Variants in PPP1R12B observed in about 807,000 individuals in gnomAD.
PPP1R12B encodes the protein myosin phosphatase target subunit 2.
PPP1R12B carries 76 observed loss-of-function variants against 126.1 expected under a neutral mutation model. That is an observed-to-expected ratio of 0.60 (90% CI 0.50 to 0.73). The LOEUF is 0.73. PPP1R12B is among the 30% of genes least tolerant of loss of function. The pLI, the probability that PPP1R12B is intolerant of heterozygous loss-of-function variation, is 0.00. For missense variants in PPP1R12B, 1,052 were observed against 1,205.1 expected, an observed-to-expected ratio of 0.87 and a Z score of 1.88; for synonymous variants, 356 against 434.7, an observed-to-expected ratio of 0.82 and a Z score of 2.25.
At chr1:202,576,876 G>T (rs954173600) in intron 23 of PPP1R12B, 1 of 150,702 alleles carries the variant, frequency 6.6e-6, no homozygotes, top group Non-Finnish European at 1.5e-5. Context: ...AGGTCACTCC[G>T]AGAGTAAGTG....
chr1:202,441,610 G>A (rs1255219929), intron 11 of PPP1R12B, among the ~76,000 whole-genome samples: 1 of 152,140 alleles, frequency 6.6e-6, no homozygotes, highest in Non-Finnish European at 1.5e-5. Context: ...TGTGAAGCAT[G>A]GAAACCCATA....
intron 21 of PPP1R12B, among the ~76,000 whole-genome samples, chr1:202,567,212 A>T (rs1414309852): frequency 4.6e-5 from 7 of 152,122 alleles, no homozygotes; most frequent in Admixed American, 4.6e-4. Context: ...CCATGAATGG[A>T]CTCCTAAGAA....
intron 18 of PPP1R12B, chr1:202,540,052 A>G (rs1045389344): frequency 2.8e-6 from 4 of 1,437,680 alleles, no homozygotes; most frequent in East Asian, 5.4e-5. Context: ...TCAAAAGGAG[A>G]GATTCTGTGA....
intron 11 of PPP1R12B, among the ~76,000 whole-genome samples, chr1:202,441,420 C>G (rs957204611): frequency 2.0e-5 from 3 of 152,118 alleles, no homozygotes; most frequent in Admixed American, 1.3e-4. Flanking sequence ...ACTTGCCCTC[C>G]CAAAGTGCTG....
At chr1:202,529,546 A>G (rs1185649879) in intron 18 of PPP1R12B, among the ~76,000 whole-genome samples, 2 of 152,214 alleles carry the variant, frequency 1.3e-5, no homozygotes, top group African/African-American at 4.8e-5. Context: ...TGGACCATTC[A>G]GCCTCATTTA....
At chr1:202,571,274 C>T (rs1688570417) in intron 23 of PPP1R12B, among the ~76,000 whole-genome samples, 2 of 152,322 alleles carry the variant, frequency 1.3e-5, no homozygotes, top group South Asian at 4.1e-4. Flanking sequence ...TAAACTAGAT[C>T]ATGAGTTCTT....
intron 3 of PPP1R12B, among the ~76,000 whole-genome samples, chr1:202,424,469 G>A (rs1484231361): frequency 3.3e-5 from 5 of 151,738 alleles, no homozygotes; most frequent in Non-Finnish European, 5.9e-5. Flanking sequence ...GATTACAGGC[G>A]CCCACCACTA....
intron 13 of PPP1R12B, among the ~76,000 whole-genome samples, chr1:202,482,861 A>G (rs1305891737): frequency 6.6e-6 from 1 of 152,212 alleles, no homozygotes; most frequent in Non-Finnish European, 1.5e-5. Flanking sequence ...TCTTCTAGGT[A>G]GTTCCATAGT....
At chr1:202,482,847 G>T (rs1289451263) in intron 13 of PPP1R12B, among the ~76,000 whole-genome samples, 1 of 152,150 alleles carries the variant, frequency 6.6e-6, no homozygotes, top group Non-Finnish European at 1.5e-5. Flanking sequence ...TTTCTCCTAT[G>T]TTATCTTCTA....
intron 1 of PPP1R12B, among the ~76,000 whole-genome samples, chr1:202,375,737 T>C (rs1346401691): frequency 6.6e-6 from 1 of 152,204 alleles, no homozygotes; most frequent in Non-Finnish European, 1.5e-5. Context: ...CTTTATTTTG[T>C]AGAGACAAGG....
intron 1 of PPP1R12B, among the ~76,000 whole-genome samples, chr1:202,360,976 C>T (rs1004289618): frequency 6.6e-6 from 1 of 151,218 alleles, no homozygotes; most frequent in African/African-American, 2.4e-5. Flanking sequence ...CTGCAAGCTC[C>T]ACCTTCTGGG....
chr1:202,401,361 ATTTTTTTTTTT>A (rs34810265), intron 1 of PPP1R12B, among the ~76,000 whole-genome samples: 79 of 71,446 alleles, frequency 1.1e-3, no homozygotes, highest in African/African-American at 2.2e-3. Flanking sequence ...GGCTAATTTA[ATTTTTTTTTTT>A]TTTTTTTTTT....
intron 15 of PPP1R12B, 76 bp downstream of exon 15, chr1:202,493,393 G>A (rs1679148818): frequency 7.0e-7 from 1 of 1,436,440 alleles, no homozygotes; most frequent in Non-Finnish European, 9.5e-7. Flanking sequence ...TTCACTGGTA[G>A]TTCAAAGGCT....
intron 18 of PPP1R12B, chr1:202,501,882 T>G: frequency 1.0e-6 from 1 of 985,202 alleles, no homozygotes; most frequent in Non-Finnish European, 1.2e-6. Context: ...CGAATTGACT[T>G]GCTAGTAGCA....
intron 18 of PPP1R12B, among the ~76,000 whole-genome samples, chr1:202,534,705 C>T (rs1395940412): frequency 6.6e-6 from 1 of 151,972 alleles, no homozygotes; most frequent in African/African-American, 2.4e-5. Context: ...CAGGCTACTA[C>T]CTCACCACTG....
chr1:202,490,415 C>T (rs1678705756), intron 14 of PPP1R12B, among the ~76,000 whole-genome samples: 1 of 152,046 alleles, frequency 6.6e-6, no homozygotes, highest in African/African-American at 2.4e-5. Context: ...TGTCTGTTTC[C>T]TCCATTAGAA....
chr1:202,373,224 C>A (rs554011689), intron 1 of PPP1R12B, among the ~76,000 whole-genome samples: 1 of 152,246 alleles, frequency 6.6e-6, no homozygotes, highest in African/African-American at 2.4e-5. Flanking sequence ...GTGTGAGCCA[C>A]CGCACCTGGC....
chr1:202,561,552 A>G (rs1449473150), intron 19 of PPP1R12B, among the ~76,000 whole-genome samples: 1 of 152,222 alleles, frequency 6.6e-6, no homozygotes, highest in East Asian at 1.9e-4. Flanking sequence ...TTCTGCAAGG[A>G]TATGAACTAA....
chr1:202,523,488 A>G (rs1400617622), intron 18 of PPP1R12B, among the ~76,000 whole-genome samples: 1 of 152,194 alleles, frequency 6.6e-6, no homozygotes, highest in East Asian at 1.9e-4. Context: ...TAGTGTAGTG[A>G]GGTCCTCTAG....
Sources: gnomAD v4.1 joint callset for allele counts (sites outside exome capture counted in the v4.1 genomes callset) on GRCh38, gnomAD v4.1.1 for gene constraint, MANE v1.5 for transcripts, NCBI Gene and HGNC (gene_info 2026-07-23, HGNC 2026-07-21) for gene names.